GRID2: variants seen among roughly 807,000 people sequenced by gnomAD.
The protein encoded by GRID2 is glutamate receptor ionotropic, delta-2.
In GRID2, 33 loss-of-function variants were observed where a neutral mutation model predicts 114.8. The observed-to-expected ratio is 0.29, with a 90% CI of 0.22 to 0.38. GRID2 has a LOEUF of 0.38. GRID2 is among the 10% of genes least tolerant of loss of function. The pLI is 1.00. For missense variants in GRID2, 1,184 were observed against 1,257.7 expected, an observed-to-expected ratio of 0.94 and a Z score of 0.89; for synonymous variants, 505 against 449.9, an observed-to-expected ratio of 1.12 and a Z score of -1.55.
intron 2 of GRID2, among the ~76,000 whole-genome samples, chr4:93,018,488 C>T (rs1030218036): frequency 6.6e-6 from 1 of 152,046 alleles, no homozygotes; most frequent in African/African-American, 2.4e-5. Flanking sequence ...CGTTATTCAT[C>T]CATCACTGGT....
At chr4:93,269,745 TTAATC>T (rs1219756571) in intron 8 of GRID2, among the ~76,000 whole-genome samples, 1 of 152,154 alleles carries the variant, frequency 6.6e-6, no homozygotes, top group East Asian at 1.9e-4. Flanking sequence ...AACCTGAACT[TTAATC>T]AAATATCCCT....
At position 92,611,102 on chromosome 4, in the gene GRID2, GTATA is replaced by G. The variant is rs772340190; in HGVS notation, c.244+20818_244+20821del. 5.2e-4 allele frequency among the ~76,000 whole-genome samples: 76 copies of G among 146,320 alleles called. 1 individual carries two copies. Among genetic ancestry groups the G allele is most frequent in the East Asian group, 3.1e-3 (15 of 4,896 alleles). ...TATGTGTGTATATATATGTGTGTGT[GTATA>G]TGTGTGTGTATGTGTGTGTGTGTGC... On this transcript the variant is annotated intron_variant, in intron 2 of 15. Transcript: ENST00000282020.
chr4:93,102,067 T>C (rs766864196), intron 3 of GRID2, among the ~76,000 whole-genome samples: 4 of 152,170 alleles, frequency 2.6e-5, no homozygotes, highest in Non-Finnish European at 5.9e-5. Context: ...AATGTATTAA[T>C]CAAGACCCTT....
intron 13 of GRID2, among the ~76,000 whole-genome samples, chr4:93,598,243 T>C (rs1739308283): frequency 1.3e-5 from 2 of 152,204 alleles, no homozygotes; most frequent in Admixed American, 6.5e-5. Flanking sequence ...CACTTATTGT[T>C]ATAGCTTCCA....
At chr4:93,259,696 G>C (rs188522012) in intron 8 of GRID2, among the ~76,000 whole-genome samples, 3 of 151,650 alleles carry the variant, frequency 2.0e-5, no homozygotes, top group South Asian at 4.1e-4. Context: ...GAATGTAACG[G>C]TTACATGTAA....
intron 1 of GRID2, among the ~76,000 whole-genome samples, chr4:92,564,247 G>A (rs992782404): frequency 1.4e-4 from 21 of 151,836 alleles, no homozygotes; most frequent in African/African-American, 1.9e-4. Context: ...TTTTAAATAA[G>A]GCTAACTTAT....
intron 2 of GRID2, among the ~76,000 whole-genome samples, chr4:92,740,953 C>G (rs1432684298): frequency 6.6e-6 from 1 of 152,028 alleles, no homozygotes; most frequent in Non-Finnish European, 1.5e-5. Context: ...GGGGTTTCAC[C>G]ATGTTGGGCA....
intron 4 of GRID2, among the ~76,000 whole-genome samples, chr4:93,126,321 A>G (rs1734257943): frequency 6.6e-6 from 1 of 152,066 alleles, no homozygotes; most frequent in Non-Finnish European, 1.5e-5. Flanking sequence ...TATATTCATA[A>G]TAGTCTACAG....
chr4:92,935,200 C>A (rs1578522130), intron 2 of GRID2, among the ~76,000 whole-genome samples: 1 of 145,986 alleles, frequency 6.8e-6, no homozygotes, highest in African/African-American at 2.4e-5. Context: ...AAGAAAAAAA[C>A]AACCCCATCA....
At position 93,769,138 on chromosome 4, in the gene GRID2, T is replaced by C. The variant is rs977579439; in HGVS notation, c.2361-72T>C. Reference sequence around the variant, plus strand: ...CCACCATCCTACAGAGGTGGGATTATAAATGGATGTGTTGTGAACCAGGGC... The same window carrying C: ...CCACCATCCTACAGAGGTGGGATTACAAATGGATGTGTTGTGAACCAGGGC... On this transcript the variant is annotated intron_variant, in intron 14 of 15. Transcript: ENST00000282020. The C allele has an allele frequency of 6.1e-6, 9 of 1,478,184 alleles. No homozygotes were observed. The African/African-American group carries it at 1.2e-4, about 21-fold the overall frequency. 91.6% of individuals were successfully genotyped at this position (1,478,184 alleles called of 1,614,324 possible). A position where few individuals can be genotyped will look rare whatever the true frequency, so the allele number is the denominator to read the frequency against.
intron 1 of GRID2, among the ~76,000 whole-genome samples, chr4:92,459,607 T>G (rs1016476290): frequency 2.0e-5 from 3 of 152,192 alleles, no homozygotes; most frequent in African/African-American, 7.2e-5. Flanking sequence ...CTTTGAGTTT[T>G]CTGTGCCTAA....
chr4:93,588,917 A>C (rs985237563), intron 13 of GRID2, among the ~76,000 whole-genome samples: 2 of 152,138 alleles, frequency 1.3e-5, no homozygotes, highest in African/African-American at 4.8e-5. Context: ...TTGCCCCATC[A>C]AGTTCAATGG....
At chr4:93,341,636 T>G (rs1759667739) in intron 8 of GRID2, among the ~76,000 whole-genome samples, 1 of 152,194 alleles carries the variant, frequency 6.6e-6, no homozygotes, top group Admixed American at 6.5e-5. Flanking sequence ...TAGTAATGGT[T>G]TTTATGTGTA....
At chr4:92,319,790 A>G (rs1048453420) in intron 1 of GRID2, among the ~76,000 whole-genome samples, 1 of 152,138 alleles carries the variant, frequency 6.6e-6, no homozygotes, top group African/African-American at 2.4e-5. Flanking sequence ...GAAATTTTAC[A>G]TTGTTTGTCA....
At chr4:93,327,384 G>A (rs1757945325) in intron 8 of GRID2, among the ~76,000 whole-genome samples, 1 of 152,052 alleles carries the variant, frequency 6.6e-6, no homozygotes, top group Admixed American at 6.6e-5. Context: ...AATGTGTTCA[G>A]TTAGTCATAC....
At position 92,709,589 on chromosome 4, in the gene GRID2, A is replaced by AAAATAT. The variant is rs779775767; in HGVS notation, c.244+119304_244+119305insAATATA. Among the ~76,000 whole-genome samples the AAAATAT allele has an allele frequency of 4.5e-3, 517 of 114,568 alleles. 2 individuals are homozygous for AAAATAT. Among genetic ancestry groups the AAAATAT allele is most frequent in the African/African-American group, 0.014 (396 of 29,104 alleles). 75.2% of individuals were successfully genotyped at this position (114,568 alleles called of 152,430 possible). On this transcript the variant is annotated intron_variant, in intron 2 of 15. Coordinates refer to ENST00000282020, the MANE Select transcript of GRID2 (RefSeq NM_001510.4). ...AGTGTAGAGAAAAAAAAAAAAAAAA[A>AAAATAT]ATATATATATATATATATATGTAAT... is the stretch of plus-strand genomic sequence containing the variant.
chr4:93,808,655 T>C (rs1480845507), exon 2 of GRID2: 2 of 152,134 alleles, frequency 1.3e-5, no homozygotes, highest in Non-Finnish European at 2.9e-5. Flanking sequence ...AAACCGGGGC[T>C]CTACTGCCAT....
chr4:92,743,449 T>C (rs1736995311), intron 2 of GRID2, among the ~76,000 whole-genome samples: 1 of 152,340 alleles, frequency 6.6e-6, no homozygotes, highest in African/African-American at 2.4e-5. Flanking sequence ...GAAAATAGAT[T>C]CTATTAAATT....
At chr4:92,324,688 GAT>G (rs1286466328) in intron 1 of GRID2, among the ~76,000 whole-genome samples, 4 of 151,556 alleles carry the variant, frequency 2.6e-5, no homozygotes, top group African/African-American at 4.8e-5. Flanking sequence ...TTAACAAAAA[GAT>G]GTGTATATTG....
Sources: gnomAD v4.1 joint callset for allele counts (sites outside exome capture counted in the v4.1 genomes callset) on GRCh38, gnomAD v4.1.1 for gene constraint, MANE v1.5 for transcripts, NCBI Gene and HGNC (gene_info 2026-07-23, HGNC 2026-07-21) for gene names.